Variants in ZNF407 observed in about 807,000 individuals in gnomAD.
The protein encoded by ZNF407 is zinc finger protein 407.
Under a neutral mutation model 131.2 loss-of-function variants are expected in ZNF407, and 17 were observed. The ratio of observed to expected loss-of-function variants is 0.13; its 90% confidence interval spans 0.09 to 0.19. ZNF407 has a LOEUF of 0.19. ZNF407 is among the 10% of genes least tolerant of loss of function. The probability of loss-of-function intolerance (pLI) is 1.00; values close to 1 mark genes in which losing one functional copy is unlikely to be tolerated. For missense variants in ZNF407, 2,681 were observed against 2,830.6 expected, an observed-to-expected ratio of 0.95 and a Z score of 1.20; for synonymous variants, 1,156 against 1,062.0, an observed-to-expected ratio of 1.09 and a Z score of -1.72.
At chr18:74,755,307 G>A (rs996339022) in intron 3 of ZNF407, among the ~76,000 whole-genome samples, 21 of 152,038 alleles carry the variant, frequency 1.4e-4, no homozygotes, top group Admixed American at 3.9e-4. Flanking sequence ...CAGTTTGCCC[G>A]TCTGTGTCTT....
At chr18:75,028,146 C>G (rs1973193075) in intron 8 of ZNF407, among the ~76,000 whole-genome samples, 1 of 152,212 alleles carries the variant, frequency 6.6e-6, no homozygotes, top group Non-Finnish European at 1.5e-5. Context: ...AGGCCTCACT[C>G]TGGGAATTCT....
Position 74,845,756 on chromosome 18 carries a change from G to C in ZNF407, c.4878-31441G>C, listed in dbSNP as rs1039338789. The stretch of plus-strand genomic sequence containing the variant: ...TAATTCTTCCAGAAGGTGTTATCTT[G>C]AATGAAGAGTGCTTTTACAAAAATG... On this transcript the variant is annotated intron_variant, in intron 4 of 8. Coordinates refer to ENST00000299687, the MANE Select transcript of ZNF407 (RefSeq NM_017757.3). Among the ~76,000 whole-genome samples the C allele has an allele frequency of 1.5e-4, 23 of 152,206 alleles. 1 individual carries two copies. The highest frequency in any genetic ancestry group is 5.5e-4 in the African/African-American group (23 of 41,464).
intron 3 of ZNF407, among the ~76,000 whole-genome samples, chr18:74,744,684 C>T (rs1247007095): frequency 6.6e-6 from 1 of 151,850 alleles, no homozygotes; most frequent in Non-Finnish European, 1.5e-5. Flanking sequence ...TTGTTTTCAA[C>T]AGTCACAAAA....
At chr18:74,970,015 G>T (rs1972454265) in intron 8 of ZNF407, among the ~76,000 whole-genome samples, 1 of 152,070 alleles carries the variant, frequency 6.6e-6, no homozygotes, top group African/African-American at 2.4e-5. Flanking sequence ...ACTGGCGGGG[G>T]TGAAAGGCAC....
intron 3 of ZNF407, among the ~76,000 whole-genome samples, chr18:74,662,325 C>A (rs1358067050): frequency 6.6e-6 from 1 of 152,030 alleles, no homozygotes; most frequent in Non-Finnish European, 1.5e-5. Context: ...AATAAGTAGA[C>A]AAAATATTAT....
intron 3 of ZNF407, among the ~76,000 whole-genome samples, chr18:74,677,688 A>T (rs924789061): frequency 6.6e-6 from 1 of 152,162 alleles, no homozygotes; most frequent in East Asian, 1.9e-4. Context: ...TACCAATCTC[A>T]GTCCTTGAAC....
At chr18:75,009,622 A>T (rs537890675) in intron 8 of ZNF407, among the ~76,000 whole-genome samples, 3 of 152,246 alleles carry the variant, frequency 2.0e-5, no homozygotes, top group Non-Finnish European at 4.4e-5. Context: ...AACGCTTACT[A>T]TGCCAGGCAC....
chr18:74,914,541 C>A (rs778789624), intron 7 of ZNF407, among the ~76,000 whole-genome samples: 1 of 152,120 alleles, frequency 6.6e-6, no homozygotes, highest in Non-Finnish European at 1.5e-5. Flanking sequence ...TGTTTATGTG[C>A]GCTTACCTTC....
intron 8 of ZNF407, among the ~76,000 whole-genome samples, chr18:74,987,719 A>C (rs1972669890): frequency 6.6e-6 from 1 of 152,216 alleles, no homozygotes; most frequent in Non-Finnish European, 1.5e-5. Flanking sequence ...GATTAGAATA[A>C]TGTTCAAATA....
At chr18:75,001,103 T>A (rs1186050664) in intron 8 of ZNF407, among the ~76,000 whole-genome samples, 1 of 152,136 alleles carries the variant, frequency 6.6e-6, no homozygotes, top group Non-Finnish European at 1.5e-5. Flanking sequence ...AAGCTGAGCT[T>A]TCAGGGCCGG....
intron 3 of ZNF407, among the ~76,000 whole-genome samples, chr18:74,713,702 A>G (rs577449736): frequency 1.3e-5 from 2 of 152,298 alleles, no homozygotes; most frequent in Non-Finnish European, 2.9e-5. Flanking sequence ...ATTTTGTAAT[A>G]CGTGTACAAA....
intron 3 of ZNF407, among the ~76,000 whole-genome samples, chr18:74,674,599 T>C (rs1432278015): frequency 6.6e-6 from 1 of 152,216 alleles, no homozygotes; most frequent in African/African-American, 2.4e-5. Flanking sequence ...TTTCTGCTTC[T>C]TCACTACCTC....
intron 4 of ZNF407, among the ~76,000 whole-genome samples, chr18:74,784,950 G>A (rs901957894): frequency 3.3e-5 from 5 of 152,172 alleles, no homozygotes; most frequent in Non-Finnish European, 5.9e-5. Flanking sequence ...GTAAATAGGA[G>A]GACAGGGAAA....
intron 8 of ZNF407, among the ~76,000 whole-genome samples, chr18:75,005,186 G>A (rs973368388): frequency 2.0e-5 from 3 of 152,138 alleles, no homozygotes; most frequent in Admixed American, 6.5e-5. Flanking sequence ...TTGGCAGTTC[G>A]ATGAGTTGTA....
intron 4 of ZNF407, among the ~76,000 whole-genome samples, chr18:74,850,154 A>G (rs894887163): frequency 6.6e-6 from 1 of 152,174 alleles, no homozygotes; most frequent in East Asian, 1.9e-4. Context: ...ACAAATATTT[A>G]CCATTTTTGC....
rs148212187 is a variant in ZNF407 at position 74,635,767 on chromosome 18, A to G, written c.4687+61A>G. The G allele has an allele frequency of 2.3e-4, 350 of 1,519,954 alleles. 1 individual carries two copies. The African/African-American group carries it at 4.5e-3, about 20-fold the overall frequency. The allele number at this position is 1,519,954 out of a possible 1,614,324, so 94.2% of individuals were successfully genotyped here. ...CATGGGGCCATTTGTTCCCATCCAG[A>G]TATGCAGCCCTACCTGTGGCTGCTC... On this transcript the variant is annotated intron_variant, in intron 2 of 8. Coordinates refer to ENST00000299687, the MANE Select transcript of ZNF407 (RefSeq NM_017757.3). This position sits in a 1 kb window ranked among gnomAD's most constrained non-coding sequence, Gnocchi z 4.7.
intron 1 of ZNF407, among the ~76,000 whole-genome samples, chr18:74,608,355 C>CTTTTTTT (rs375136326): frequency 6.1e-5 from 9 of 146,582 alleles, no homozygotes; most frequent in Middle Eastern, 3.5e-3. Context: ...TTTTAGATTT[C>CTTTTTTT]TTTTTTTTTT....
At chr18:75,056,261 C>T (rs1973560809) in intron 8 of ZNF407, among the ~76,000 whole-genome samples, 1 of 152,202 alleles carries the variant, frequency 6.6e-6, no homozygotes, top group Non-Finnish European at 1.5e-5. Context: ...TCTTGTATTT[C>T]AAGTAACCTT....
At chr18:74,610,839 C>T (rs966098709) in intron 1 of ZNF407, among the ~76,000 whole-genome samples, 8 of 152,170 alleles carry the variant, frequency 5.3e-5, no homozygotes, top group African/African-American at 1.9e-4. Flanking sequence ...CAGGCATGAG[C>T]CACCACGCCC....
Sources: gnomAD v4.1 joint callset for allele counts (sites outside exome capture counted in the v4.1 genomes callset) on GRCh38, gnomAD v4.1.1 for gene constraint, Gnocchi (gnomAD v3.1) non-coding constraint, MANE v1.5 for transcripts, NCBI Gene and HGNC (gene_info 2026-07-23, HGNC 2026-07-21) for gene names.